KRT84: variants seen among roughly 807,000 people sequenced by gnomAD.
KRT84 encodes keratin, type II cuticular Hb4.
In KRT84, 38 loss-of-function variants were observed where a neutral mutation model predicts 49.0. The observed-to-expected ratio is 0.78, with a 90% CI of 0.60 to 1.02. The LOEUF is 1.02. Among genes scored for constraint, KRT84 ranks in the 50% least tolerant of loss-of-function variants. KRT84 has a pLI of 0.00. For synonymous variants in KRT84, 334 were observed against 312.8 expected, an observed-to-expected ratio of 1.07 and a Z score of -0.72; for missense variants, 860 against 788.6, an observed-to-expected ratio of 1.09 and a Z score of -1.08.
rs1422747853 is a variant in KRT84, at chr12:52,378,177, C to T, written c.1660G>A (p.Gly554Ser). Residue 554 changes from glycine (G) to serine (S), a missense_variant, in exon 9 of 9, where the codon GGC becomes AGC. Physicochemically the swap from Gly to Ser is moderately conservative, Grantham distance 56 (BLOSUM62 0). Coordinates refer to ENST00000257951, the MANE Select transcript of KRT84 (RefSeq NM_033045.4). ...CAGGCCTCGCTGATGAGCATGGAGC[C>T]ACTCCTTGTGCCAGTGCTCAGCAGG... ...GDLLSTGTRS[G>S]SMLISEACVP... 1 of 1,578,826 alleles carries T rather than the reference C, an allele frequency of 6.3e-7. No homozygotes were observed. Among genetic ancestry groups the T allele is most frequent in the East Asian group, 2.3e-5 (1 of 43,098 alleles).
At chr12:52,386,434 C>A (rs981852247), upstream of KRT84, among the ~76,000 whole-genome samples, 10 of 148,858 alleles carry the variant, frequency 6.7e-5, no homozygotes, top group African/African-American at 2.5e-5. Flanking sequence ...GTTGCCCAGG[C>A]TGGTCTTGAA....
intron 6 of KRT84, 95 bp from the exon 7 acceptor site, chr12:52,380,678 T>A (rs1468491366): frequency 3.8e-6 from 5 of 1,304,626 alleles, no homozygotes; most frequent in Admixed American, 4.6e-5. Context: ...GAACATAGCC[T>A]GGGGCCAAGG....
At chr12:52,380,617 C>T in intron 6 of KRT84, 34 bp from the exon 7 acceptor site, 1 of 1,559,376 alleles carries the variant, frequency 6.4e-7, no homozygotes, top group Non-Finnish European at 8.7e-7. Flanking sequence ...TAGGCTTCGG[C>T]AGTGCCAGGG....
intron 7 of KRT84, 33 bp from the exon 8 acceptor site, chr12:52,379,940 G>A (rs1248773098): frequency 6.3e-7 from 1 of 1,593,640 alleles, no homozygotes; most frequent in African/African-American, 1.3e-5. Context: ...CATTTCACAT[G>A]CACTATTGTT....
chr12:52,380,250 G>C, intron 7 of KRT84, 113 bp downstream of exon 7: 1 of 1,289,394 alleles, frequency 7.8e-7, no homozygotes, highest in South Asian at 1.4e-5. Context: ...AGAAGGTATT[G>C]TCATCTTTAA....
chr12:52,380,054 A>G, intron 7 of KRT84, 147 bp from the exon 8 acceptor site: 3 of 741,404 alleles, frequency 4.0e-6, no homozygotes, highest in Non-Finnish European at 6.7e-6. Context: ...AGCGTTGAAA[A>G]ACACGTTCTT....
chr12:52,381,587 C>A, intron 4 of KRT84, 62 bp from the exon 5 acceptor site: 2 of 1,529,552 alleles, frequency 1.3e-6, no homozygotes, highest in Non-Finnish European at 1.8e-6. Context: ...TGGGACTCTG[C>A]CACAGGGGGC....
Position 52,383,078 on chromosome 12 carries a change from G to T in KRT84, c.756-13C>A, listed in dbSNP as rs1450408905. The T allele has an allele frequency of 2.5e-6, 4 of 1,612,042 alleles. No homozygotes were observed. The highest frequency in any genetic ancestry group is 3.4e-6 in the Non-Finnish European group (4 of 1,178,188). On this transcript the variant is annotated splice_polypyrimidine_tract_variant and intron_variant, in intron 2 of 8. Transcript: ENST00000257951. ...TTCCTCTTCATACCTGATGATAAAG[G>T]TTAAGAGGGTGAGTGCTTACTCTGA... is the stretch of plus-strand genomic sequence containing the variant.
At chr12:52,383,870 A>G in intron 1 of KRT84, 72 bp from the exon 2 acceptor site, 1 of 1,226,770 alleles carries the variant, frequency 8.2e-7, no homozygotes, top group Non-Finnish European at 1.2e-6. Flanking sequence ...AGCTCTTGAG[A>G]TGGCCAGCGA....
intron 2 of KRT84, among the ~76,000 whole-genome samples, 186 bp downstream of exon 2, chr12:52,383,403 AC>A: frequency 6.6e-6 from 1 of 152,264 alleles, no homozygotes; most frequent in South Asian, 2.1e-4. Flanking sequence ...GAACATGGGC[AC>A]CTTTTTCCTC....
intron 4 of KRT84, 56 bp from the exon 5 acceptor site, chr12:52,381,581 A>C: frequency 6.4e-7 from 1 of 1,567,094 alleles, no homozygotes; most frequent in Non-Finnish European, 8.7e-7. Flanking sequence ...AGTAGCTGGG[A>C]CTCTGCCACA....
In KRT84 at chr12:52,385,305, C is replaced by T. The variant is rs757317431; in HGVS notation, c.281G>A (p.Gly94Asp). The T allele has an allele frequency of 3.7e-6, 6 of 1,614,036 alleles. No individual in the cohort carries two copies. Among genetic ancestry groups the T allele is most frequent in the Non-Finnish European group, 5.1e-6 (6 of 1,180,052 alleles). The change falls in exon 1 of 9, where the codon GGT (glycine) becomes GAT (aspartate). Residue 94 changes from glycine (G) to aspartate (D), a missense_variant. Physicochemically the swap from Gly to Asp is moderately conservative, Grantham distance 94 (BLOSUM62 -1). Transcript: ENST00000257951. ...GMGFGDGRGV[G>D]LGPRADSCVG... ...ACAGCTGTCAGCCCTAGGCCCCAGA[C>T]CAACACCTCTCCCATCACCAAAACC...
At position 52,378,209 on chromosome 12, in the gene KRT84, G is replaced by A; in HGVS notation, c.1628C>T (p.Thr543Ile). Reference protein sequence around the residue: ...SLGGARVAPATGDLLSTGTRS... With the variant: ...SLGGARVAPAIGDLLSTGTRS... Reference sequence around the variant, plus strand: ...TGTGCCAGTGCTCAGCAGGTCCCCAGTGGCCGGGGCGACCCGGGCTCCACC... The same window carrying A: ...TGTGCCAGTGCTCAGCAGGTCCCCAATGGCCGGGGCGACCCGGGCTCCACC... The change falls in exon 9 of 9, where the codon ACT becomes ATT. Residue 543 changes from threonine (T) to isoleucine (I), a missense_variant. Physicochemically the swap from Thr to Ile is moderately conservative, Grantham distance 89 (BLOSUM62 -1). Transcript: ENST00000257951. The A allele has an allele frequency of 6.4e-7, 1 of 1,574,536 alleles. No individual in the cohort carries two copies.
upstream of KRT84, among the ~76,000 whole-genome samples, chr12:52,386,353 A>G (rs568439763): frequency 6.6e-6 from 1 of 151,202 alleles, no homozygotes; most frequent in East Asian, 1.9e-4. Context: ...TTACAAAGAC[A>G]GTCTCTATCT....
At chr12:52,381,811 G>A (rs1161616394) in intron 4 of KRT84, among the ~76,000 whole-genome samples, 1 of 152,220 alleles carries the variant, frequency 6.6e-6, no homozygotes, top group Admixed American at 6.5e-5. Flanking sequence ...GGAAGAAAGT[G>A]GGAGCCACTC....
chr12:52,384,740 C>T (rs1424529490), intron 1 of KRT84, among the ~76,000 whole-genome samples: 1 of 152,188 alleles, frequency 6.6e-6, no homozygotes, highest in East Asian at 1.9e-4. Context: ...TTCTAAGTGA[C>T]CAGATGCAAC....
At chr12:52,386,554 C>A (rs138876576), upstream of KRT84, among the ~76,000 whole-genome samples, 631 of 151,980 alleles carry the variant, frequency 4.2e-3, 4 homozygotes, top group African/African-American at 0.014. Flanking sequence ...CAGCAGTCAA[C>A]ACTTTGTGGC....
rs1939486688 is a variant in KRT84, at chr12:52,381,590, CA to C, written c.913-66del. The C allele has an allele frequency of 2.0e-6, 3 of 1,526,754 alleles. No homozygotes were observed. The African/African-American group carries it at 4.1e-5, about 21-fold the overall frequency. 94.6% of individuals were successfully genotyped at this position (1,526,754 alleles called of 1,614,324 possible). On this transcript the variant is annotated intron_variant, in intron 4 of 8. Coordinates refer to ENST00000257951, the MANE Select transcript of KRT84 (RefSeq NM_033045.4). ...TCATTTAGTAGCTGGGACTCTGCCACAGGGGGCCCAGGAAGTGGTGCCAGGG... is the reference window on the plus strand; with the variant it reads ...TCATTTAGTAGCTGGGACTCTGCCACGGGGGCCCAGGAAGTGGTGCCAGGG...
chr12:52,382,593 G>T, intron 3 of KRT84, 61 bp from the exon 4 acceptor site: 2 of 1,361,462 alleles, frequency 1.5e-6, no homozygotes, highest in Non-Finnish European at 1.0e-6. Flanking sequence ...CTTCCCACCT[G>T]TGTCTGGAGA....
Sources: allele counts gnomAD v4.1 joint callset (sites outside exome capture counted in the v4.1 genomes callset), GRCh38; gene constraint gnomAD v4.1.1; transcripts MANE v1.5; gene names NCBI Gene and HGNC (gene_info 2026-07-23, HGNC 2026-07-21).